Variants in BLTP1 observed in about 807,000 individuals in gnomAD.
BLTP1 encodes the protein bridge-like lipid transfer protein family member 1.
the BLTP1 span, among the ~76,000 whole-genome samples, chr4:122,242,310 T>G: frequency 1.3e-5 from 2 of 152,016 alleles, no homozygotes; most frequent in African/African-American, 4.8e-5. Context: ...AAGTAGGAAA[T>G]CGTGTCATTT....
chr4:122,203,493 G>T, the BLTP1 span, among the ~76,000 whole-genome samples: 1 of 151,748 alleles, frequency 6.6e-6, no homozygotes, highest in Admixed American at 6.6e-5. Context: ...AGTTGTTGGT[G>T]GGTTTTTTCA....
the BLTP1 span, among the ~76,000 whole-genome samples, chr4:122,157,331 T>C: frequency 6.6e-6 from 1 of 152,136 alleles, no homozygotes; most frequent in African/African-American, 2.4e-5. Context: ...GTTGGGACTT[T>C]AGTTATCTAG....
At chr4:122,349,557 A>G in the BLTP1 span, 6 of 1,612,636 alleles carry the variant, frequency 3.7e-6, no homozygotes, top group Non-Finnish European at 5.1e-6. The surrounding 1 kb of genome is among the most constrained non-coding windows in gnomAD (Gnocchi z 4.5). Flanking sequence ...CCTCATGGGC[A>G]TCTTCAGTAA....
chr4:122,270,347 C>A, the BLTP1 span: 2 of 984,478 alleles, frequency 2.0e-6, no homozygotes, highest in Non-Finnish European at 2.4e-6. Context: ...GGGAAAAATA[C>A]CTTTTTACAG....
chr4:122,344,432 A>G, the BLTP1 span: 1 of 1,613,952 alleles, frequency 6.2e-7, no homozygotes, highest in Non-Finnish European at 8.5e-7. Flanking sequence ...AGATTCACTC[A>G]GTATAAACCT....
At chr4:122,170,349 T>C in the BLTP1 span, 1 of 980,468 alleles carries the variant, frequency 1.0e-6, no homozygotes, top group Non-Finnish European at 1.2e-6. Flanking sequence ...ATTCCTGTTA[T>C]TTTGAGCCAG....
the BLTP1 span, chr4:122,247,515 G>GTGAC: frequency 9.7e-7 from 1 of 1,033,130 alleles, no homozygotes; most frequent in Non-Finnish European, 1.4e-6. Flanking sequence ...GTGGTATTTA[G>GTGAC]CTACTTGTCA....
the BLTP1 span, chr4:122,298,229 A>G: frequency 2.1e-6 from 2 of 939,912 alleles, no homozygotes; most frequent in East Asian, 1.2e-4. Context: ...AATCAGAATC[A>G]TGTAGTTTTT....
chr4:122,183,839 A>T, the BLTP1 span, among the ~76,000 whole-genome samples: 1 of 152,138 alleles, frequency 6.6e-6, no homozygotes, highest in African/African-American at 2.4e-5. Flanking sequence ...GTCCCCCTAC[A>T]GCTTTATTTA....
the BLTP1 span, among the ~76,000 whole-genome samples, chr4:122,157,170 A>G: frequency 2.0e-5 from 3 of 152,236 alleles, no homozygotes; most frequent in Admixed American, 6.5e-5. Flanking sequence ...TTGTATTAGT[A>G]TCTATGGCTA....
chr4:122,240,433 C>A, the BLTP1 span: 1 of 1,240,588 alleles, frequency 8.1e-7, no homozygotes. Context: ...CATAATTACT[C>A]TCATTCTTTT....
At chr4:122,158,318 G>T in the BLTP1 span, among the ~76,000 whole-genome samples, 6 of 152,108 alleles carry the variant, frequency 3.9e-5, no homozygotes, top group East Asian at 1.2e-3. Flanking sequence ...TCTTTGTATT[G>T]CTCACCATTT....
the BLTP1 span, among the ~76,000 whole-genome samples, chr4:122,332,558 T>G: frequency 2.6e-5 from 4 of 151,856 alleles, no homozygotes; most frequent in Admixed American, 2.6e-4. Context: ...CTAGAGATAC[T>G]GATGAACTTT....
the BLTP1 span, among the ~76,000 whole-genome samples, chr4:122,266,349 C>G: frequency 2.0e-5 from 3 of 151,932 alleles, no homozygotes; most frequent in African/African-American, 7.2e-5. Flanking sequence ...GTCAGATATT[C>G]ATAACATTTA....
the BLTP1 span, chr4:122,201,834 C>T: frequency 1.0e-6 from 1 of 976,972 alleles, no homozygotes; most frequent in Non-Finnish European, 1.2e-6. Context: ...ATCCATCCAT[C>T]CATCCATCCA....
the BLTP1 span, chr4:122,215,255 T>C: frequency 7.0e-6 from 5 of 717,414 alleles, no homozygotes; most frequent in South Asian, 1.3e-4. Context: ...TAGTAGCAAA[T>C]TGAACATTAG....
chr4:122,329,592 C>G, the BLTP1 span, among the ~76,000 whole-genome samples: 3 of 151,332 alleles, frequency 2.0e-5, no homozygotes, highest in South Asian at 6.2e-4. Flanking sequence ...CCTTCCTGGA[C>G]AGATGATCTA....
chr4:122,331,800 T>A, the BLTP1 span: 1 of 964,844 alleles, frequency 1.0e-6, no homozygotes, highest in South Asian at 4.8e-5. Context: ...TCTTTGGAAT[T>A]CTTTTAACAC....
chr4:122,254,151 A>G, the BLTP1 span: 1 of 1,588,438 alleles, frequency 6.3e-7, no homozygotes. Flanking sequence ...AGTGGTTTTA[A>G]GGGGCTGTAT....
Sources: allele counts gnomAD v4.1 joint callset (sites outside exome capture counted in the v4.1 genomes callset), GRCh38; gene constraint gnomAD v4.1.1; non-coding constraint Gnocchi (gnomAD v3.1); transcripts MANE v1.5; gene names NCBI Gene and HGNC (gene_info 2026-07-23, HGNC 2026-07-21).